Variants in PCDH11Y observed in about 807,000 individuals in gnomAD.
The protein encoded by PCDH11Y is protocadherin 11 Y-linked.
For missense variants in PCDH11Y, 12 were observed against 224.8 expected, an observed-to-expected ratio of 0.05 and a Z score of 6.05; for synonymous variants, 9 against 83.6, an observed-to-expected ratio of 0.11 and a Z score of 4.87.
intron 2 of PCDH11Y, among the ~76,000 whole-genome samples, chrY:5,386,361 C>A: frequency 1.2e-4 from 4 of 32,430 alleles, no homozygotes; most frequent in Non-Finnish European, 3.0e-4. Flanking sequence ...ATGAATTTCC[C>A]AGGTGTTCTT....
At chrY:5,734,061 G>C (rs2053607671) in intron 4 of PCDH11Y, among the ~76,000 whole-genome samples, 75 of 32,876 alleles carry the variant, frequency 2.3e-3, no homozygotes, top group African/African-American at 8.5e-3. Context: ...GCCAACAAGG[G>C]GGGTGTTGCT....
At chrY:5,093,094 A>C (rs2052743968) in intron 1 of PCDH11Y, among the ~76,000 whole-genome samples, 1 of 33,205 alleles carries the variant, frequency 3.0e-5, no homozygotes, top group Admixed American at 2.8e-4. Context: ...TCTATTTGGC[A>C]ATGAATATCC....
chrY:5,047,000 G>A (rs2052643853), intron 3 of PCDH11Y, among the ~76,000 whole-genome samples: 1 of 33,493 alleles, frequency 3.0e-5, no homozygotes, highest in Admixed American at 2.7e-4. Flanking sequence ...CCATTGACCT[G>A]CGCCCACTGT....
chrY:5,681,867 G>C, intron 4 of PCDH11Y, among the ~76,000 whole-genome samples: 1 of 31,573 alleles, frequency 3.2e-5, no homozygotes, highest in Non-Finnish European at 7.6e-5. Context: ...ATGCTTTGCT[G>C]CTGAGAAATT....
chrY:5,043,909 T>C (rs2052623808), intron 3 of PCDH11Y, among the ~76,000 whole-genome samples: 1 of 33,612 alleles, frequency 3.0e-5, no homozygotes, highest in African/African-American at 1.2e-4. Flanking sequence ...GAGGTGTTTA[T>C]AGTATTCTCT....
downstream of PCDH11Y, chrY:5,105,304 C>A: frequency 9.0e-6 from 2 of 222,517 alleles, no homozygotes; most frequent in African/African-American, 1.8e-4. Flanking sequence ...TGATTGTACT[C>A]ATGCTGTTCC....
intron 2 of PCDH11Y, among the ~76,000 whole-genome samples, chrY:5,407,701 C>T: frequency 3.2e-5 from 1 of 31,422 alleles, no homozygotes; most frequent in Non-Finnish European, 7.7e-5. Flanking sequence ...ATCATGAGGT[C>T]AGGAAATTGA....
At chrY:5,371,719 G>A (rs2053187405) in intron 2 of PCDH11Y, among the ~76,000 whole-genome samples, 2 of 32,314 alleles carry the variant, frequency 6.2e-5, no homozygotes, top group South Asian at 1.4e-3. Context: ...CCAGCAAGGC[G>A]AAACCCCATC....
intron 3 of PCDH11Y, among the ~76,000 whole-genome samples, chrY:5,572,431 T>C (rs2053440241): frequency 3.0e-5 from 1 of 33,094 alleles, no homozygotes; most frequent in Non-Finnish European, 7.4e-5. Context: ...GGATCCTCTA[T>C]ACTGTTCTCC....
At chrY:5,691,023 G>A (rs2053567254) in intron 4 of PCDH11Y, among the ~76,000 whole-genome samples, 1 of 33,012 alleles carries the variant, frequency 3.0e-5, no homozygotes, top group Non-Finnish European at 7.4e-5. Flanking sequence ...CTGTCACTAG[G>A]CTCAGTAGGA....
chrY:5,293,247 C>T (rs2053069888), intron 2 of PCDH11Y, among the ~76,000 whole-genome samples: 1 of 31,152 alleles, frequency 3.2e-5, no homozygotes, highest in Non-Finnish European at 7.7e-5. Flanking sequence ...TTCCAGCCTC[C>T]GTCTCCCAAG....
intron 2 of PCDH11Y, among the ~76,000 whole-genome samples, chrY:5,449,160 A>C: frequency 3.1e-5 from 1 of 31,904 alleles, no homozygotes; most frequent in Non-Finnish European, 7.7e-5. Context: ...TCAAGGGTCA[A>C]CTGTATATTG....
chrY:5,727,364 TAAA>T (rs2053599580), intron 4 of PCDH11Y, among the ~76,000 whole-genome samples: 1 of 30,733 alleles, frequency 3.3e-5, no homozygotes, highest in African/African-American at 1.2e-4. Flanking sequence ...TTTCTTTCTC[TAAA>T]AATAACCAAA....
intron 4 of PCDH11Y, among the ~76,000 whole-genome samples, chrY:5,669,260 AC>A (rs2053547223): frequency 3.1e-5 from 1 of 32,342 alleles, no homozygotes; most frequent in African/African-American, 1.2e-4. Context: ...GAATGCTAGA[AC>A]TTAATCTTCC....
At chrY:5,086,462 G>T (rs2052730877) in intron 1 of PCDH11Y, among the ~76,000 whole-genome samples, 1 of 31,851 alleles carries the variant, frequency 3.1e-5, no homozygotes, top group Non-Finnish European at 7.6e-5. Context: ...TTCCTGGATG[G>T]TGTTAGTGCT....
At chrY:5,240,334 C>A in intron 2 of PCDH11Y, among the ~76,000 whole-genome samples, 1 of 33,201 alleles carries the variant, frequency 3.0e-5, no homozygotes, top group Non-Finnish European at 7.4e-5. Flanking sequence ...GAATCACCTT[C>A]TTCCAAGCTC....
At chrY:5,423,686 C>T (rs2053260403) in intron 2 of PCDH11Y, among the ~76,000 whole-genome samples, 1 of 33,026 alleles carries the variant, frequency 3.0e-5, no homozygotes, top group Admixed American at 2.8e-4. Context: ...CACAAAAGGA[C>T]GAATACTGGA....
At chrY:5,651,100 T>G in intron 4 of PCDH11Y, among the ~76,000 whole-genome samples, 1 of 33,519 alleles carries the variant, frequency 3.0e-5, no homozygotes, top group South Asian at 6.6e-4. Flanking sequence ...TCCATTGGTG[T>G]TGTAAGAATA....
intron 4 of PCDH11Y, among the ~76,000 whole-genome samples, chrY:5,659,467 T>C (rs2053539309): frequency 3.1e-5 from 1 of 31,889 alleles, no homozygotes; most frequent in Non-Finnish European, 7.6e-5. Flanking sequence ...TTCTACTTTG[T>C]GTAAGCTGGC....
Sources: gnomAD v4.1 joint callset for allele counts (sites outside exome capture counted in the v4.1 genomes callset) on GRCh38, gnomAD v4.1.1 for gene constraint, MANE v1.5 for transcripts, NCBI Gene and HGNC (gene_info 2026-07-23, HGNC 2026-07-21) for gene names.